The following ITPK1 variants were observed in gnomAD, a reference collection of about 807,000 sequenced individuals.
The protein encoded by ITPK1 is inositol 1,3,4-trisphosphate 5/6-kinase.
Under a neutral mutation model 45.3 loss-of-function variants are expected in ITPK1, and 21 were observed. The ratio of observed to expected loss-of-function variants is 0.46; its 90% CI spans 0.33 to 0.67. The LOEUF is 0.67. Among genes scored for constraint, ITPK1 ranks in the 30% least tolerant of loss-of-function variants. The probability of loss-of-function intolerance (pLI) is 0.02; values close to 1 mark genes in which losing one functional copy is unlikely to be tolerated. For missense variants in ITPK1, 474 were observed against 573.5 expected (o/e 0.83, Z 1.77); for synonymous variants, 258 against 253.6 (o/e 1.02, Z -0.16).
intron 3 of ITPK1, among the ~76,000 whole-genome samples, chr14:93,027,942 C>T (rs749239461): frequency 1.4e-4 from 22 of 152,204 alleles, no homozygotes; most frequent in Non-Finnish European, 2.4e-4. Flanking sequence ...CCAAGTCACC[C>T]AGAGAGCAGT....
intron 2 of ITPK1, among the ~76,000 whole-genome samples, chr14:93,094,125 G>A (rs562847516): frequency 7.9e-5 from 12 of 152,334 alleles, no homozygotes; most frequent in Non-Finnish European, 1.0e-4. Flanking sequence ...GTTAACCTCT[G>A]TGAGGAGCCT....
At chr14:93,091,143 C>T (rs1374031154) in intron 2 of ITPK1, among the ~76,000 whole-genome samples, 2 of 152,252 alleles carry the variant, frequency 1.3e-5, no homozygotes, top group African/African-American at 4.8e-5. Flanking sequence ...ATAACACTAG[C>T]TGGCTGATTG....
At chr14:93,089,905 G>A (rs1371681660) in intron 2 of ITPK1, among the ~76,000 whole-genome samples, 1 of 152,140 alleles carries the variant, frequency 6.6e-6, no homozygotes, top group African/African-American at 2.4e-5. Context: ...CAGGACCCTG[G>A]GCATTAGAGA....
intron 5 of ITPK1, among the ~76,000 whole-genome samples, chr14:92,970,370 C>A (rs1043810827): frequency 2.0e-5 from 3 of 152,174 alleles, no homozygotes; most frequent in Admixed American, 6.5e-5. Flanking sequence ...AGGCACCCAG[C>A]GGGGGATGCC....
chr14:92,945,303 T>TGC (rs1887630879), intron 10 of ITPK1, among the ~76,000 whole-genome samples: 1 of 152,218 alleles, frequency 6.6e-6, no homozygotes, highest in South Asian at 2.1e-4. Flanking sequence ...TGACTGCGCC[T>TGC]GCGCATGCTC....
At chr14:93,079,381 G>A (rs1483613165) in intron 2 of ITPK1, among the ~76,000 whole-genome samples, 1 of 152,350 alleles carries the variant, frequency 6.6e-6, no homozygotes, top group Middle Eastern at 3.4e-3. Context: ...GCAGCCTCAT[G>A]AGGGTGGGAC....
chr14:92,988,438 T>C (rs1886610886), intron 5 of ITPK1, among the ~76,000 whole-genome samples: 1 of 152,184 alleles, frequency 6.6e-6, no homozygotes, highest in African/African-American at 2.4e-5. Flanking sequence ...GGAAGCCTTA[T>C]CAGCGACAAG....
At chr14:93,100,949 G>A (rs1892292378) in intron 2 of ITPK1, among the ~76,000 whole-genome samples, 1 of 152,126 alleles carries the variant, frequency 6.6e-6, no homozygotes, top group African/African-American at 2.4e-5. Flanking sequence ...AACTGCCCAC[G>A]TCCCAGATGG....
intron 9 of ITPK1, among the ~76,000 whole-genome samples, chr14:92,947,592 C>T (rs1887749284): frequency 6.6e-6 from 1 of 152,238 alleles, no homozygotes; most frequent in Admixed American, 6.5e-5. Context: ...AGCAACAGGC[C>T]TCCATCTCAG....
chr14:92,973,684 A>G (rs1371065746), intron 5 of ITPK1, among the ~76,000 whole-genome samples: 1 of 152,212 alleles, frequency 6.6e-6, no homozygotes, highest in Non-Finnish European at 1.5e-5. Context: ...TTGGCCAGCG[A>G]TGACGATGGC....
chr14:93,051,836 C>T (rs919610945), intron 3 of ITPK1, among the ~76,000 whole-genome samples: 5 of 152,236 alleles, frequency 3.3e-5, no homozygotes, highest in Admixed American at 3.3e-4. Context: ...CATTGTAACG[C>T]TAACTCACTC....
chr14:93,004,293 G>A (rs1360919778), intron 4 of ITPK1, among the ~76,000 whole-genome samples: 3 of 152,228 alleles, frequency 2.0e-5, no homozygotes, highest in African/African-American at 7.2e-5. Context: ...GGTTCCCTGC[G>A]GTCTCTGTTT....
chr14:92,968,575 G>A (rs1278435606), intron 5 of ITPK1, among the ~76,000 whole-genome samples: 1 of 152,172 alleles, frequency 6.6e-6, no homozygotes, highest in Non-Finnish European at 1.5e-5. Flanking sequence ...TCTTCCTCCA[G>A]AGATGTCTGG....
chr14:93,113,701 C>T (rs187220149), intron 2 of ITPK1, among the ~76,000 whole-genome samples: 5 of 152,290 alleles, frequency 3.3e-5, no homozygotes, highest in Admixed American at 2.6e-4. Flanking sequence ...TCGAGCTCCT[C>T]CTGATTTCTT....
intron 3 of ITPK1, among the ~76,000 whole-genome samples, chr14:93,018,746 C>T (rs917449941): frequency 2.6e-5 from 4 of 152,174 alleles, no homozygotes; most frequent in Non-Finnish European, 4.4e-5. Context: ...CTCATCCTCA[C>T]GGCAAGCCCA....
At chr14:92,984,007 T>C (rs2139788767) in intron 5 of ITPK1, among the ~76,000 whole-genome samples, 1 of 152,288 alleles carries the variant, frequency 6.6e-6, no homozygotes, top group African/African-American at 2.4e-5. Context: ...AAGAGCTGTA[T>C]CAGGACACGT....
At chr14:92,985,065 C>T (rs907317131) in intron 5 of ITPK1, among the ~76,000 whole-genome samples, 2 of 152,166 alleles carry the variant, frequency 1.3e-5, no homozygotes, top group African/African-American at 2.4e-5. Context: ...TAGGGAGGGA[C>T]TGGCACTGCT....
At position 93,016,278 on chromosome 14, in the gene ITPK1, T is replaced by C. The variant is rs544821000; in HGVS notation, c.246+398A>G. Among the ~76,000 whole-genome samples, 4 of 152,132 alleles carry C rather than the reference T, an allele frequency of 2.6e-5. No homozygotes were observed. Among genetic ancestry groups the C allele is most frequent in the Admixed American group, 2.6e-4 (4 of 15,292 alleles). On this transcript the variant is annotated intron_variant, in intron 4 of 10. Coordinates refer to ENST00000267615, the MANE Select transcript of ITPK1 (RefSeq NM_014216.6). This position sits in a 1 kb window ranked among gnomAD's most constrained non-coding sequence, Gnocchi z 5.0. ...GGTTCTCCACCAAGGCAGGACTCAG[T>C]TCAAAGGCCCTCGGGGGTCCCCTTT...
chr14:92,989,051 T>C (rs978090006), intron 5 of ITPK1, among the ~76,000 whole-genome samples: 4 of 152,128 alleles, frequency 2.6e-5, no homozygotes, highest in Non-Finnish European at 5.9e-5. Flanking sequence ...TTCCTGCCTC[T>C]GGGAGCAGCT....
Sources: gnomAD v4.1 joint callset for allele counts (sites outside exome capture counted in the v4.1 genomes callset) on GRCh38, gnomAD v4.1.1 for gene constraint, Gnocchi (gnomAD v3.1) non-coding constraint, MANE v1.5 for transcripts, NCBI Gene and HGNC (gene_info 2026-07-23, HGNC 2026-07-21) for gene names.